XKR9: variants seen among roughly 807,000 people sequenced by gnomAD.
XKR9 encodes the protein XK-related protein 9.
Under a neutral mutation model 32.0 loss-of-function variants are expected in XKR9, and 32 were observed. The observed-to-expected ratio is 1.00, with a 90% CI of 0.76 to 1.34. The LOEUF (loss-of-function observed/expected upper bound fraction) is 1.34. XKR9 is among the 40% of genes most tolerant of loss of function. The pLI is 0.00. For synonymous variants in XKR9, 168 were observed against 143.4 expected, an observed-to-expected ratio of 1.17 and a Z score of -1.22; for missense variants, 546 against 429.7, an observed-to-expected ratio of 1.27 and a Z score of -2.39.
chr8:70,672,657 C>G (rs984627254), intron 1 of XKR9, among the ~76,000 whole-genome samples: 1 of 151,880 alleles, frequency 6.6e-6, no homozygotes. Context: ...TTTTCCATAG[C>G]GGTTGTACTA....
chr8:70,801,846 G>C, the XKR9 span, among the ~76,000 whole-genome samples: 1 of 152,052 alleles, frequency 6.6e-6, no homozygotes, highest in Admixed American at 6.5e-5. Context: ...GGGTGCTCTT[G>C]TGCTGGGTGC....
chr8:70,738,801 G>C (rs1421726544), downstream of XKR9, among the ~76,000 whole-genome samples: 1 of 152,110 alleles, frequency 6.6e-6, no homozygotes. Flanking sequence ...TCTTAATCCT[G>C]AGTTCTAGTT....
At chr8:70,930,036 A>T in the XKR9 span, among the ~76,000 whole-genome samples, 1 of 152,190 alleles carries the variant, frequency 6.6e-6, no homozygotes, top group Non-Finnish European at 1.5e-5. Flanking sequence ...CGTATTTTAC[A>T]CTAGCTTTTA....
chr8:70,939,129 A>C, the XKR9 span, among the ~76,000 whole-genome samples: 1 of 152,074 alleles, frequency 6.6e-6, no homozygotes, highest in African/African-American at 2.4e-5. Flanking sequence ...TGCTCCTTCA[A>C]GCTTTTATTG....
chr8:70,931,504 C>T, the XKR9 span, among the ~76,000 whole-genome samples: 1 of 152,170 alleles, frequency 6.6e-6, no homozygotes, highest in Non-Finnish European at 1.5e-5. Flanking sequence ...AAGGCCTTTT[C>T]AGCTATAAAA....
chr8:70,950,420 G>A, the XKR9 span, among the ~76,000 whole-genome samples: 1 of 152,086 alleles, frequency 6.6e-6, no homozygotes, highest in South Asian at 2.1e-4. Context: ...GCAAAGAGGG[G>A]AAGGAAAACG....
chr8:71,048,419 A>C, the XKR9 span, among the ~76,000 whole-genome samples: 156 of 152,256 alleles, frequency 1.0e-3, no homozygotes, highest in African/African-American at 3.6e-3. Context: ...TATTAATAAT[A>C]GGTATATTTC....
the XKR9 span, among the ~76,000 whole-genome samples, chr8:70,907,797 A>T: frequency 6.6e-6 from 1 of 152,216 alleles, no homozygotes. Context: ...TTGCTTTCTA[A>T]GTTTTGCAAT....
the XKR9 span, among the ~76,000 whole-genome samples, chr8:71,049,176 A>G: frequency 2.0e-5 from 3 of 152,226 alleles, no homozygotes; most frequent in African/African-American, 7.2e-5. Context: ...TTCCTGGGGT[A>G]ATTTTAATAA....
chr8:71,039,191 A>G, the XKR9 span, among the ~76,000 whole-genome samples: 1 of 152,192 alleles, frequency 6.6e-6, no homozygotes, highest in Non-Finnish European at 1.5e-5. Flanking sequence ...GTGGTTAGAC[A>G]GGGTTACATA....
chr8:71,060,141 G>A, the XKR9 span, among the ~76,000 whole-genome samples: 1 of 152,134 alleles, frequency 6.6e-6, no homozygotes, highest in African/African-American at 2.4e-5. Flanking sequence ...AGTTACATGT[G>A]GCCTCAACAT....
chr8:70,695,874 C>A (rs1052457501), intron 3 of XKR9, among the ~76,000 whole-genome samples: 1 of 150,658 alleles, frequency 6.6e-6, no homozygotes, highest in Non-Finnish European at 1.5e-5. Flanking sequence ...GCCATTCTAA[C>A]TGGTGTGAGA....
At chr8:70,944,785 G>A in the XKR9 span, among the ~76,000 whole-genome samples, 3 of 152,258 alleles carry the variant, frequency 2.0e-5, no homozygotes, top group African/African-American at 4.8e-5. Flanking sequence ...ATACAAGGCC[G>A]TCCGTTTTTA....
the XKR9 span, among the ~76,000 whole-genome samples, chr8:70,868,146 T>G: frequency 6.6e-6 from 1 of 152,160 alleles, no homozygotes; most frequent in African/African-American, 2.4e-5. Context: ...AGGCTAGCAT[T>G]GAGTTTCTGT....
At chr8:71,056,605 C>G in the XKR9 span, among the ~76,000 whole-genome samples, 1 of 152,056 alleles carries the variant, frequency 6.6e-6, no homozygotes, top group African/African-American at 2.4e-5. Context: ...GTTTTCTCAC[C>G]CTAATGCCTG....
At chr8:70,934,262 C>T in the XKR9 span, among the ~76,000 whole-genome samples, 1 of 151,968 alleles carries the variant, frequency 6.6e-6, no homozygotes. Context: ...AAGTAATAGA[C>T]TTCATGAACT....
the XKR9 span, among the ~76,000 whole-genome samples, chr8:70,974,642 A>G: frequency 6.6e-6 from 1 of 152,290 alleles, no homozygotes; most frequent in Non-Finnish European, 1.5e-5. Flanking sequence ...TCTATAATTG[A>G]TGGACATTTG....
At chr8:70,949,762 G>A in the XKR9 span, among the ~76,000 whole-genome samples, 1 of 152,088 alleles carries the variant, frequency 6.6e-6, no homozygotes, top group African/African-American at 2.4e-5. Context: ...CAGGTAAGGG[G>A]TCGGTTTATT....
chr8:70,912,075 T>C, the XKR9 span, among the ~76,000 whole-genome samples: 9 of 152,212 alleles, frequency 5.9e-5, no homozygotes, highest in East Asian at 1.7e-3. Context: ...TTGGCAAAAG[T>C]ATATATGTTA....
Sources: gnomAD v4.1 joint callset for allele counts (sites outside exome capture counted in the v4.1 genomes callset) on GRCh38, gnomAD v4.1.1 for gene constraint, MANE v1.5 for transcripts, NCBI Gene and HGNC (gene_info 2026-07-23, HGNC 2026-07-21) for gene names.